The following FBRSL1 variants were observed in gnomAD, a reference collection of about 807,000 sequenced individuals.
FBRSL1 encodes the protein fibrosin like 1, also known as fibrosin-1-like protein.
A neutral mutation model predicts 89.6 loss-of-function variants in FBRSL1; 51 were observed. The ratio of observed to expected loss-of-function variants is 0.57; its 90% CI spans 0.45 to 0.72. The LOEUF (loss-of-function observed/expected upper bound fraction) is 0.72. FBRSL1 is among the 30% of genes least tolerant of loss of function. The pLI, the probability that FBRSL1 is intolerant of heterozygous loss-of-function variation, is 0.00. For synonymous variants in FBRSL1, 779 were observed against 681.1 expected (o/e 1.14, Z -2.24); for missense variants, 1,618 against 1,451.8 (o/e 1.11, Z -1.86).
chr12:132,520,989 C>T (rs1313941562), intron 2 of FBRSL1, among the ~76,000 whole-genome samples: 1 of 152,192 alleles, frequency 6.6e-6, no homozygotes, highest in Non-Finnish European at 1.5e-5. Context: ...CGAAAGCAGC[C>T]ACTCCCTCTT....
intron 4 of FBRSL1, among the ~76,000 whole-genome samples, chr12:132,535,884 G>A (rs186094970): frequency 1.4e-4 from 21 of 149,334 alleles, no homozygotes; most frequent in African/African-American, 4.0e-4. Flanking sequence ...GTGAGTGCAC[G>A]TGTCCATGGT....
At chr12:132,495,359 G>A (rs552047053) in intron 1 of FBRSL1, among the ~76,000 whole-genome samples, 14 of 152,240 alleles carry the variant, frequency 9.2e-5, no homozygotes, top group Non-Finnish European at 1.8e-4. Flanking sequence ...AGTGTCACTT[G>A]GACCTCCGGG....
At chr12:132,559,355 T>G (rs1005881073) in intron 5 of FBRSL1, among the ~76,000 whole-genome samples, 35 of 152,332 alleles carry the variant, frequency 2.3e-4, no homozygotes, top group Middle Eastern at 3.4e-3. Flanking sequence ...GGGCTCCTCC[T>G]TTCAGGTCCC....
intron 4 of FBRSL1, among the ~76,000 whole-genome samples, chr12:132,547,678 C>T (rs1397632723): frequency 3.3e-5 from 5 of 152,198 alleles, no homozygotes; most frequent in East Asian, 1.9e-4. Context: ...TCTTCATGGC[C>T]GCCCTGCTCT....
In FBRSL1 at chr12:132,490,730, C is replaced by T. The variant is rs993696592; in HGVS notation, c.160C>T (p.Pro54Ser). 4 of 989,346 alleles carry T rather than the reference C, an allele frequency of 4.0e-6. No homozygotes were observed. The highest frequency in any genetic ancestry group is 4.8e-6 in the Non-Finnish European group (4 of 834,646). 61.3% of individuals were successfully genotyped at this position (989,346 alleles called of 1,614,324 possible). Reference protein sequence around the residue: ...KENAGLRGAPPRGAAPAPRTA... With the variant: ...KENAGLRGAPSRGAAPAPRTA... The stretch of plus-strand genomic sequence containing the variant: ...GAACGCGGGCCTCCGCGGCGCGCCC[C>T]CCCGAGGCGCCGCCCCCGCGCCCCG... The change falls in exon 1 of 19, where the codon CCC (proline) becomes TCC (serine). Residue 54 changes from proline (P) to serine (S), a missense_variant. Transcript: ENST00000680143.
rs139321559 is a variant in FBRSL1, at chr12:132,575,320, C to T, written c.1701+756C>T. ...TCGGCTCACTGCAAGCTCCGCCTCC[C>T]GGGTTCACGCCATTCTCCTACCTCG... On this transcript the variant is annotated intron_variant, in intron 14 of 18. Transcript: ENST00000680143. Among the ~76,000 whole-genome samples the T allele has an allele frequency of 8.5e-4, 129 of 152,332 alleles. 2 individuals are homozygous for T. Among genetic ancestry groups the T allele is most frequent in the Middle Eastern group, 6.8e-3 (2 of 294 alleles).
At chr12:132,512,206 G>A (rs760041586) in intron 2 of FBRSL1, among the ~76,000 whole-genome samples, 1 of 152,130 alleles carries the variant, frequency 6.6e-6, no homozygotes, top group Non-Finnish European at 1.5e-5. Flanking sequence ...AGTGTGACAG[G>A]GGTCGAGACC....
rs371800095 is a variant in FBRSL1 at position 132,570,008 on chromosome 12, C to G, written c.774C>G (p.Ala258=). Residue 258 remains alanine, a synonymous_variant, in exon 7 of 19, where the codon GCC becomes GCG. Transcript: ENST00000680143. Reference sequence around the variant, plus strand: ...TGGAGCGCAGCCGCGAGCTCAGCGCCGAGAGCTTCCTGCCCACTGCCAGCC... The same window carrying G: ...TGGAGCGCAGCCGCGAGCTCAGCGCGGAGAGCTTCCTGCCCACTGCCAGCC... ...SGLERSRELS[A]ESFLPTASPA... is the part of the protein sequence containing the mutation. 3.3e-6 allele frequency: 5 copies of G among 1,511,528 alleles called. No individual in the cohort carries two copies. The South Asian group carries it at 3.7e-5, about 11-fold the overall frequency. 93.6% of individuals were successfully genotyped at this position (1,511,528 alleles called of 1,614,324 possible). A position where few individuals can be genotyped will look rare whatever the true frequency, so the allele number is the denominator to read the frequency against.
Position 132,581,726 on chromosome 12 carries a change from C to T in FBRSL1, c.1913-15C>T, listed in dbSNP as rs754150122. ...ACGCCTCACAGACCTCTGGGTCCCG[C>T]GGTTGCCCCCACAGACCCTTTCAGC... On this transcript the variant is annotated splice_polypyrimidine_tract_variant and intron_variant, in intron 16 of 18. Coordinates refer to ENST00000680143, the MANE Select transcript of FBRSL1 (RefSeq NM_001367871.1). 9.0e-6 allele frequency: 14 copies of T among 1,549,720 alleles called. No individual in the cohort carries two copies. Among genetic ancestry groups the T allele is most frequent in the African/African-American group, 1.4e-5 (1 of 73,038 alleles).
chr12:132,504,531 C>T (rs1468647073), intron 1 of FBRSL1, among the ~76,000 whole-genome samples: 1 of 152,064 alleles, frequency 6.6e-6, no homozygotes. Flanking sequence ...GGAGGGCCTC[C>T]ACCGCGCCTT....
intron 2 of FBRSL1, among the ~76,000 whole-genome samples, chr12:132,508,930 C>T (rs866603318): frequency 1.5e-4 from 23 of 152,296 alleles, no homozygotes; most frequent in African/African-American, 5.1e-4. Flanking sequence ...GCTTCCCCAG[C>T]GCGTGGGGCT....
chr12:132,574,227 G>T, intron 12 of FBRSL1, 69 bp downstream of exon 12: 2 of 1,442,874 alleles, frequency 1.4e-6, no homozygotes. Context: ...TGTGCGGGCT[G>T]GTGGCCACAG....
chr12:132,506,811 TTGA>T (rs1315164479), intron 1 of FBRSL1, among the ~76,000 whole-genome samples: 6 of 152,180 alleles, frequency 3.9e-5, no homozygotes, highest in Admixed American at 2.6e-4. Flanking sequence ...GCTCTGGGCC[TTGA>T]GTGGTGGCTC....
intron 4 of FBRSL1, among the ~76,000 whole-genome samples, chr12:132,545,441 C>T (rs1032246252): frequency 3.9e-5 from 6 of 152,256 alleles, no homozygotes; most frequent in African/African-American, 1.2e-4. Flanking sequence ...CCCCTGCCTG[C>T]GCCTGGCTGA....
rs147901241 is a variant in FBRSL1, at chr12:132,541,642, T to G, written c.616-6361T>G. On this transcript the variant is annotated intron_variant, in intron 4 of 18. Transcript: ENST00000680143. ...GAGTGACCTTTCCAATCGTGAGACA[T>G]TTCACACAGTGTGAAGCTCAACTCG... Among the ~76,000 whole-genome samples, 472 of 152,338 alleles carry G rather than the reference T, an allele frequency of 3.1e-3. 7 individuals are homozygous for G. In the Middle Eastern group the frequency reaches 0.048, roughly 15 times the overall value.
chr12:132,572,762 G>C (rs559325754), intron 11 of FBRSL1, 140 bp downstream of exon 11: 525 of 677,626 alleles, frequency 7.7e-4, no homozygotes, highest in Non-Finnish European at 8.1e-4. Context: ...GGGTGCTGGC[G>C]TGAGCAGCCC....
chr12:132,525,642 C>A, intron 2 of FBRSL1, 92 bp from the exon 3 acceptor site: 2 of 1,042,576 alleles, frequency 1.9e-6, no homozygotes, highest in Non-Finnish European at 2.9e-6. Flanking sequence ...TGCTGGGGTG[C>A]CGGGAGCAGG....
rs1211473504 is a variant in FBRSL1, at chr12:132,583,755, C to G, written c.2986C>G (p.Pro996Ala). The change falls in exon 19 of 19, where the codon CCC (proline) becomes GCC (alanine). Residue 996 changes from proline to alanine, a missense_variant. Transcript: ENST00000680143. ...GCGCGACTACTCCCCGTCCCGAAAT[C>G]CCCCGGAGGTGGAGGCGCGGTAGCC... ...EARDYSPSRNPPEVEAR is the reference protein window; with the variant it reads ...EARDYSPSRNAPEVEAR 4.9e-6 allele frequency: 6 copies of G among 1,216,940 alleles called. No homozygotes were observed. The East Asian group carries it at 1.6e-4, about 33-fold the overall frequency. The allele number at this position is 1,216,940 out of a possible 1,614,324, so 75.4% of individuals were successfully genotyped here. A position where few individuals can be genotyped will look rare whatever the true frequency, so the allele number is the denominator to read the frequency against.
chr12:132,583,056 G>A lies in FBRSL1; in HGVS notation c.2287G>A (p.Ala763Thr), dbSNP rs763345026. The A allele has an allele frequency of 6.8e-5, 98 of 1,448,166 alleles. 2 individuals carry two copies. In the South Asian group the frequency reaches 1.3e-3, roughly 19 times the overall value. 89.7% of individuals were successfully genotyped at this position (1,448,166 alleles called of 1,614,324 possible). Residue 763 changes from alanine to threonine, a missense_variant, in exon 19 of 19, where the codon GCC becomes ACC. Coordinates refer to ENST00000680143, the MANE Select transcript of FBRSL1 (RefSeq NM_001367871.1). The part of the protein sequence containing the change: ...GHPVSGLLLR[A>T]QSELGRSGAP... ...CCCCGTCAGCGGCCTCCTGCTCCGG[G>A]CCCAGAGCGAGCTGGGCCGGTCCGG...
Sources: allele counts gnomAD v4.1 joint callset (sites outside exome capture counted in the v4.1 genomes callset), GRCh38; gene constraint gnomAD v4.1.1; transcripts MANE v1.5; gene names NCBI Gene and HGNC (gene_info 2026-07-23, HGNC 2026-07-21).